Variants in FANCC observed in about 807,000 individuals in gnomAD.
FANCC encodes the protein FA complementation group C, also known as Fanconi anemia group C protein.
Under a neutral mutation model 71.3 loss-of-function variants are expected in FANCC, and 55 were observed. The observed-to-expected ratio is 0.77, with a 90% CI of 0.62 to 0.97. FANCC has a LOEUF of 0.97. Ranked by LOEUF, FANCC falls within the 50% of genes least tolerant of loss-of-function variation. The pLI is 0.00. For missense variants in FANCC, 678 were observed against 670.9 expected (o/e 1.01, Z -0.12); for synonymous variants, 275 against 244.9 (o/e 1.12, Z -1.15).
chr9:95,304,112 CA>C (rs1434347913), intron 1 of FANCC, among the ~76,000 whole-genome samples: 3 of 152,196 alleles, frequency 2.0e-5, no homozygotes, highest in Non-Finnish European at 4.4e-5. Context: ...GACAAACTAT[CA>C]ATCAAATGTG....
At chr9:95,309,975 TAC>T (rs1835290572) in intron 1 of FANCC, among the ~76,000 whole-genome samples, 1 of 152,192 alleles carries the variant, frequency 6.6e-6, no homozygotes, top group Admixed American at 6.5e-5. Context: ...CACAATGTCC[TAC>T]CTAGCTGCAA....
intron 4 of FANCC, among the ~76,000 whole-genome samples, chr9:95,181,033 TGTA>T (rs1437737576): frequency 6.6e-6 from 1 of 151,876 alleles, no homozygotes; most frequent in Non-Finnish European, 1.5e-5. Flanking sequence ...AAAATGAAAA[TGTA>T]GTATCTCACT....
chr9:95,275,301 A>AAAAAT (rs1231874977), intron 1 of FANCC, among the ~76,000 whole-genome samples: 3 of 152,068 alleles, frequency 2.0e-5, no homozygotes, highest in South Asian at 2.1e-4. Flanking sequence ...TAAATAAACA[A>AAAAAT]AAAATAAAAT....
intron 10 of FANCC, chr9:95,123,409 G>A: frequency 2.2e-6 from 1 of 453,240 alleles, no homozygotes; most frequent in Non-Finnish European, 4.4e-6. Flanking sequence ...GGAGGCCAAG[G>A]TGGGAAGATT....
chr9:95,241,961 A>G (rs1830660254), intron 3 of FANCC, among the ~76,000 whole-genome samples: 1 of 152,162 alleles, frequency 6.6e-6, no homozygotes, highest in African/African-American at 2.4e-5. Flanking sequence ...TGCCTGGCCA[A>G]AACCCAGCAT....
intron 1 of FANCC, among the ~76,000 whole-genome samples, chr9:95,301,913 T>C (rs1282378026): frequency 1.8e-5 from 2 of 113,008 alleles, no homozygotes; most frequent in Admixed American, 8.8e-5. Flanking sequence ...CCATCTCCAC[T>C]AAAAAAAAAA....
intron 7 of FANCC, among the ~76,000 whole-genome samples, chr9:95,135,800 G>A (rs1265627521): frequency 2.0e-5 from 3 of 152,192 alleles, no homozygotes; most frequent in African/African-American, 7.2e-5. Context: ...GATAAAAAAC[G>A]GGATGGAAAA....
At chr9:95,236,558 G>A (rs1830328128) in intron 4 of FANCC, among the ~76,000 whole-genome samples, 1 of 152,148 alleles carries the variant, frequency 6.6e-6, no homozygotes, top group African/African-American at 2.4e-5. Flanking sequence ...ATGCTAACAT[G>A]TCAAGTGTCA....
intron 7 of FANCC, among the ~76,000 whole-genome samples, chr9:95,144,905 A>AT (rs1829324421): frequency 6.6e-6 from 1 of 152,186 alleles, no homozygotes; most frequent in East Asian, 1.9e-4. Flanking sequence ...AGGACCAAAC[A>AT]TAACGCTCGG....
At chr9:95,215,196 C>T (rs566639018) in intron 4 of FANCC, among the ~76,000 whole-genome samples, 1 of 152,084 alleles carries the variant, frequency 6.6e-6, no homozygotes, top group African/African-American at 2.4e-5. Flanking sequence ...GCAGTAATAA[C>T]TAGATAAAAT....
intron 1 of FANCC, among the ~76,000 whole-genome samples, chr9:95,295,067 T>C (rs1057109954): frequency 1.3e-5 from 2 of 152,150 alleles, no homozygotes. Context: ...CCTGAAATTA[T>C]GAAACTACTA....
At chr9:95,257,457 G>A (rs990722468) in intron 1 of FANCC, among the ~76,000 whole-genome samples, 1 of 152,164 alleles carries the variant, frequency 6.6e-6, no homozygotes, top group Non-Finnish European at 1.5e-5. Flanking sequence ...AATGAAGGCA[G>A]AAATAAAGAA....
intron 6 of FANCC, among the ~76,000 whole-genome samples, chr9:95,153,787 T>G (rs1376667857): frequency 6.6e-6 from 1 of 152,228 alleles, no homozygotes. Context: ...TTGATGTAAC[T>G]ACTTGAAATG....
At chr9:95,165,428 C>A (rs1831011115) in intron 6 of FANCC, among the ~76,000 whole-genome samples, 2 of 151,846 alleles carry the variant, frequency 1.3e-5, no homozygotes, top group Non-Finnish European at 2.9e-5. Flanking sequence ...GCATTTACCA[C>A]TATAAACTTC....
intron 4 of FANCC, among the ~76,000 whole-genome samples, chr9:95,219,545 G>C (rs991823260): frequency 1.3e-5 from 2 of 151,948 alleles, no homozygotes; most frequent in Admixed American, 6.6e-5. Flanking sequence ...CCCTTCAAAG[G>C]AACGATATAA....
In FANCC at chr9:95,101,482, A is replaced by C; in HGVS notation, c.*225T>G. 1 of 601,664 alleles carries C rather than the reference A, an allele frequency of 1.7e-6. No individual in the cohort carries two copies. 37.3% of individuals were successfully genotyped at this position (601,664 alleles called of 1,614,324 possible). A position where few individuals can be genotyped will look rare whatever the true frequency, so the allele number is the denominator to read the frequency against. On this transcript the variant is annotated 3_prime_UTR_variant, in exon 15 of 15. Coordinates refer to ENST00000289081, the MANE Select transcript of FANCC (RefSeq NM_000136.3). Reference sequence around the variant, plus strand: ...CGGGCACCAGGAGTACCGAAGGCTCACTTGAGTCATTAGTGAACATGTCTG... The same window carrying C: ...CGGGCACCAGGAGTACCGAAGGCTCCCTTGAGTCATTAGTGAACATGTCTG...
intron 8 of FANCC, chr9:95,127,082 C>T (rs1001154165): frequency 1.2e-5 from 2 of 162,882 alleles, no homozygotes; most frequent in African/African-American, 4.8e-5. Context: ...GACTAAATCA[C>T]ATCACATCTT....
intron 4 of FANCC, among the ~76,000 whole-genome samples, chr9:95,216,581 C>T (rs1828877899): frequency 6.6e-6 from 1 of 152,200 alleles, no homozygotes; most frequent in African/African-American, 2.4e-5. Context: ...GGGTCTCATT[C>T]AGAAGAAATG....
intron 1 of FANCC, among the ~76,000 whole-genome samples, chr9:95,286,057 A>C (rs1184286699): frequency 6.6e-6 from 1 of 152,228 alleles, no homozygotes; most frequent in Non-Finnish European, 1.5e-5. Flanking sequence ...CTTATGTTAG[A>C]CTTAAATGTA....
Sources: gnomAD v4.1 joint callset for allele counts (sites outside exome capture counted in the v4.1 genomes callset) on GRCh38, gnomAD v4.1.1 for gene constraint, MANE v1.5 for transcripts, NCBI Gene and HGNC (gene_info 2026-07-23, HGNC 2026-07-21) for gene names.